The following RAB20 variants were observed in gnomAD, a reference collection of about 807,000 sequenced individuals.
RAB20 encodes the protein ras-related protein Rab-20.
Under a neutral mutation model 3.7 loss-of-function variants are expected in RAB20, and 2 were observed. The observed-to-expected ratio is 0.54, with a 90% CI of 0.22 to 1.69. The LOEUF is 1.69. RAB20 is among the 40% of genes most tolerant of loss of function. The pLI, the probability that RAB20 is intolerant of heterozygous loss-of-function variation, is 0.19. For synonymous variants in RAB20, 126 were observed against 130.8 expected (o/e 0.96, Z 0.25); for missense variants, 276 against 311.9 (o/e 0.88, Z 0.87).
At position 110,545,978 on chromosome 13, in the gene RAB20, C is replaced by G. The variant is rs115460959; in HGVS notation, c.172+15370G>C. Among the ~76,000 whole-genome samples, 867 of 152,210 alleles carry G rather than the reference C, an allele frequency of 5.7e-3. 10 individuals are homozygous for G. The highest frequency in any genetic ancestry group is 0.019 in the African/African-American group (789 of 41,512). On this transcript the variant is annotated intron_variant, in intron 1 of 1. Transcript: ENST00000267328. Reference sequence around the variant, plus strand: ...GATCCTGTAGTCTTCACCCAGAAGCCAGGACCAAGCATACAGCAAAGCAGA... The same window carrying G: ...GATCCTGTAGTCTTCACCCAGAAGCGAGGACCAAGCATACAGCAAAGCAGA...
chr13:110,531,551 A>G (rs887744794), intron 1 of RAB20, among the ~76,000 whole-genome samples: 19 of 152,228 alleles, frequency 1.2e-4, no homozygotes, highest in African/African-American at 4.6e-4. Context: ...AATGTGGGTT[A>G]CACCTGCCAA....
chr13:110,539,548 T>C (rs1412408071), intron 1 of RAB20, among the ~76,000 whole-genome samples: 1 of 145,340 alleles, frequency 6.9e-6, no homozygotes, highest in Non-Finnish European at 1.5e-5. Flanking sequence ...TTTTTGTTTT[T>C]GTTTTTGGGT....
At chr13:110,534,786 A>T (rs561069546) in intron 1 of RAB20, among the ~76,000 whole-genome samples, 31 of 152,362 alleles carry the variant, frequency 2.0e-4, no homozygotes, top group African/African-American at 7.2e-4. Context: ...ACAGTAAAAT[A>T]GGAAAAATAT....
chr13:110,542,384 C>CTT, intron 1 of RAB20, among the ~76,000 whole-genome samples: 2 of 152,206 alleles, frequency 1.3e-5, no homozygotes, highest in African/African-American at 4.8e-5. Flanking sequence ...TACTGGTTAA[C>CTT]TACAGTCACC....
chr13:110,533,230 T>C (rs757910737), intron 1 of RAB20, among the ~76,000 whole-genome samples: 2 of 152,242 alleles, frequency 1.3e-5, no homozygotes, highest in Admixed American at 6.5e-5. Flanking sequence ...TGTTTGCAGG[T>C]TGCATCCACA....
chr13:110,523,410 G>A lies in RAB20; in HGVS notation c.*255C>T. The A allele has an allele frequency of 2.9e-6, 2 of 692,800 alleles. No individual in the cohort carries two copies. Among genetic ancestry groups the A allele is most frequent in the Non-Finnish European group, 4.6e-6 (2 of 433,230 alleles). The allele number at this position is 692,800 out of a possible 1,614,324, so 42.9% of individuals were successfully genotyped here. A position where few individuals can be genotyped will look rare whatever the true frequency, so the allele number is the denominator to read the frequency against. The stretch of plus-strand genomic sequence containing the variant: ...CCAGGCAGCGGGGCAGAGAGCACCA[G>A]GGGTCTCGACTCTGCAGATTGGGCT... On this transcript the variant is annotated 3_prime_UTR_variant, in exon 2 of 2. Coordinates refer to ENST00000267328, the MANE Select transcript of RAB20 (RefSeq NM_017817.3).
At chr13:110,543,566 T>A (rs570062353) in intron 1 of RAB20, among the ~76,000 whole-genome samples, 1 of 152,210 alleles carries the variant, frequency 6.6e-6, no homozygotes, top group East Asian at 1.9e-4. Context: ...TCTCTCTTTA[T>A]TCTGTTGGTT....
intron 1 of RAB20, among the ~76,000 whole-genome samples, chr13:110,560,674 T>C (rs1885114602): frequency 6.6e-6 from 1 of 152,164 alleles, no homozygotes; most frequent in South Asian, 2.1e-4. Context: ...AAGCCTGAAT[T>C]GAGATCCTCT....
At chr13:110,533,354 G>GT (rs1329790641) in intron 1 of RAB20, among the ~76,000 whole-genome samples, 1 of 152,198 alleles carries the variant, frequency 6.6e-6, no homozygotes, top group South Asian at 2.1e-4. Flanking sequence ...CTCTAGGTTT[G>GT]TTTTTTTAAA....
At chr13:110,550,500 C>T (rs947643085) in intron 1 of RAB20, among the ~76,000 whole-genome samples, 3 of 152,128 alleles carry the variant, frequency 2.0e-5, no homozygotes, top group African/African-American at 4.8e-5. Flanking sequence ...TGGTATGAGA[C>T]GCTACCTCCG....
In RAB20 at chr13:110,534,318, G is replaced by T. The variant is rs762894629; in HGVS notation, c.173-10121C>A. ...GGGGAAGCCTGGCTGCCTTATTCAC[G>T]TGGACTGCTCACTTGCTTCCCTGGG... is the stretch of plus-strand genomic sequence containing the variant. On this transcript the variant is annotated intron_variant, in intron 1 of 1. Transcript: ENST00000267328. Among the ~76,000 whole-genome samples the T allele has an allele frequency of 2.6e-5, 4 of 152,152 alleles. No homozygotes were observed. In the East Asian group the frequency reaches 7.7e-4, roughly 29 times the overall value.
chr13:110,538,265 G>A (rs1199238951), intron 1 of RAB20, among the ~76,000 whole-genome samples: 36 of 143,700 alleles, frequency 2.5e-4, no homozygotes, highest in Admixed American at 2.2e-3. Context: ...AAGAAAGAAA[G>A]AAAGAAAAGA....
chr13:110,558,495 T>C (rs1885077748), intron 1 of RAB20, among the ~76,000 whole-genome samples: 1 of 149,692 alleles, frequency 6.7e-6, no homozygotes, highest in South Asian at 2.1e-4. Flanking sequence ...GCGATTCTCC[T>C]GCCACAGCCT....
chr13:110,534,837 T>A (rs936826814), intron 1 of RAB20, among the ~76,000 whole-genome samples: 3 of 152,154 alleles, frequency 2.0e-5, no homozygotes, highest in South Asian at 2.1e-4. Flanking sequence ...CCAGCAATAT[T>A]TTTTTGTGGA....
At chr13:110,542,619 G>C (rs1321439422) in intron 1 of RAB20, among the ~76,000 whole-genome samples, 1 of 152,156 alleles carries the variant, frequency 6.6e-6, no homozygotes, top group Non-Finnish European at 1.5e-5. Flanking sequence ...CACTTACCAT[G>C]ATGTCCTCCG....
rs1884821245 is a variant in RAB20 at position 110,544,687 on chromosome 13, G to A, written c.172+16661C>T. Among the ~76,000 whole-genome samples, 2 of 152,210 alleles carry A rather than the reference G, an allele frequency of 1.3e-5. 1 individual carries two copies. The highest frequency in any genetic ancestry group is 4.1e-4 in the South Asian group (2 of 4,826). The stretch of plus-strand genomic sequence containing the variant: ...ACGGGAATACTGGAGCCTGTGGAGG[G>A]TGACATCTAGGAAGACACATGGAGA... On this transcript the variant is annotated intron_variant, in intron 1 of 1. Coordinates refer to ENST00000267328, the MANE Select transcript of RAB20 (RefSeq NM_017817.3).
At chr13:110,530,088 C>T (rs1884504957) in intron 1 of RAB20, among the ~76,000 whole-genome samples, 1 of 152,130 alleles carries the variant, frequency 6.6e-6, no homozygotes, top group African/African-American at 2.4e-5. Context: ...ACGCCCTGCT[C>T]ACTGCAGACA....
intron 1 of RAB20, among the ~76,000 whole-genome samples, chr13:110,549,632 G>C (rs973779587): frequency 6.6e-6 from 1 of 152,234 alleles, no homozygotes; most frequent in Non-Finnish European, 1.5e-5. Context: ...CTAGAGGAAG[G>C]AATGCTGCAG....
intron 1 of RAB20, among the ~76,000 whole-genome samples, chr13:110,541,112 G>T (rs893954872): frequency 6.6e-6 from 1 of 152,086 alleles, no homozygotes; most frequent in African/African-American, 2.4e-5. Flanking sequence ...GGTGAGAGCC[G>T]ACCACCCCTC....
Sources: gnomAD v4.1 joint callset for allele counts (sites outside exome capture counted in the v4.1 genomes callset) on GRCh38, gnomAD v4.1.1 for gene constraint, MANE v1.5 for transcripts, NCBI Gene and HGNC (gene_info 2026-07-23, HGNC 2026-07-21) for gene names.